Variants in CTNNA2 observed in about 807,000 individuals in gnomAD.
CTNNA2 encodes the protein catenin alpha 2.
Under a neutral mutation model 101.0 loss-of-function variants are expected in CTNNA2, and 42 were observed. The observed-to-expected ratio is 0.42, with a 90% CI of 0.32 to 0.54. The LOEUF is 0.54. CTNNA2 is among the 20% of genes least tolerant of loss of function. The pLI, the probability that CTNNA2 is intolerant of heterozygous loss-of-function variation, is 0.14. For missense variants in CTNNA2, 871 were observed against 1,223.1 expected, an observed-to-expected ratio of 0.71 and a Z score of 4.29; for synonymous variants, 450 against 456.4, an observed-to-expected ratio of 0.99 and a Z score of 0.18.
rs555543761 is a variant in CTNNA2, at chr2:79,989,055, C to T, written c.1056+79258C>T. Among the ~76,000 whole-genome samples, 25 of 152,238 alleles carry T rather than the reference C, an allele frequency of 1.6e-4. No individual in the cohort carries two copies. The South Asian group carries it at 5.2e-3, about 32-fold the overall frequency. On this transcript the variant is annotated intron_variant, in intron 7 of 18. Coordinates refer to ENST00000402739, the MANE Select transcript of CTNNA2 (RefSeq NM_001282597.3). ...TCCAGTATGTTGGATAAAACGGAAA[C>T]CTCGAGAATTGCATAGTCCTTTAGG...
At chr2:79,565,560 G>A (rs987459625) in intron 1 of CTNNA2, among the ~76,000 whole-genome samples, 1 of 152,116 alleles carries the variant, frequency 6.6e-6, no homozygotes, top group African/African-American at 2.4e-5. Flanking sequence ...GTGGTAGGCT[G>A]GAAACTCGCA....
At chr2:79,996,376 CTGAG>C (rs796605909) in intron 7 of CTNNA2, among the ~76,000 whole-genome samples, 43 of 152,234 alleles carry the variant, frequency 2.8e-4, no homozygotes, top group African/African-American at 8.7e-4. Flanking sequence ...TCCGCACTGA[CTGAG>C]TGAGAAAATT....
intron 7 of CTNNA2, among the ~76,000 whole-genome samples, chr2:80,306,450 T>TTCTC (rs765222009): frequency 1.1e-3 from 139 of 124,954 alleles, no homozygotes; most frequent in African/African-American, 2.4e-3. Flanking sequence ...CTTTCTTTCT[T>TTCTC]TCTCTCTCTC....
chr2:79,820,047 G>T (rs1051344684), intron 3 of CTNNA2, among the ~76,000 whole-genome samples: 4 of 151,862 alleles, frequency 2.6e-5, no homozygotes, highest in Non-Finnish European at 5.9e-5. Flanking sequence ...TCACATATTT[G>T]TCTGTATATG....
intron 2 of CTNNA2, among the ~76,000 whole-genome samples, chr2:79,252,539 C>A (rs1160038855): frequency 6.6e-6 from 1 of 151,806 alleles, no homozygotes; most frequent in East Asian, 1.9e-4. Context: ...TTGATTTTTC[C>A]CTTCACTTAG....
intron 2 of CTNNA2, among the ~76,000 whole-genome samples, chr2:79,249,942 T>C (rs1016224044): frequency 4.6e-5 from 7 of 152,196 alleles, no homozygotes; most frequent in Non-Finnish European, 7.3e-5. Context: ...AAATTAACAC[T>C]TTGAACTGCA....
At chr2:80,596,470 C>T (rs577925955) in intron 15 of CTNNA2, among the ~76,000 whole-genome samples, 7 of 151,034 alleles carry the variant, frequency 4.6e-5, no homozygotes, top group Admixed American at 1.3e-4. Flanking sequence ...CCACCATGCC[C>T]GGCTAATTTT....
chr2:80,446,709 A>G (rs1683103175), intron 9 of CTNNA2, among the ~76,000 whole-genome samples: 1 of 152,202 alleles, frequency 6.6e-6, no homozygotes. Context: ...CGTTTCAACA[A>G]GTTGGGTTGT....
intron 9 of CTNNA2, among the ~76,000 whole-genome samples, chr2:80,442,636 GTCTCTGTCTTTTTTACCCC>G (rs1040318580): frequency 2.0e-5 from 3 of 152,126 alleles, no homozygotes; most frequent in African/African-American, 7.2e-5. Context: ...TTAATATACC[GTCTCTGTCTTTTTTACCCC>G]TCTCTGTTTC....
intron 7 of CTNNA2, among the ~76,000 whole-genome samples, chr2:80,093,833 C>T (rs2148824949): frequency 6.6e-6 from 1 of 152,232 alleles, no homozygotes; most frequent in South Asian, 2.1e-4. Flanking sequence ...ATATCCTTCA[C>T]CCACTTTTTG....
intron 7 of CTNNA2, among the ~76,000 whole-genome samples, chr2:79,963,673 A>G (rs1574421519): frequency 6.6e-6 from 1 of 152,152 alleles, no homozygotes; most frequent in Non-Finnish European, 1.5e-5. Context: ...TACACGTCAC[A>G]CCTGCCAGCC....
chr2:80,198,802 T>C (rs1193176952), intron 7 of CTNNA2, among the ~76,000 whole-genome samples: 4 of 152,206 alleles, frequency 2.6e-5, no homozygotes, highest in Non-Finnish European at 4.4e-5. Flanking sequence ...TTGCTCATTA[T>C]TGTGTTTACT....
chr2:79,863,072 T>G (rs1247205714), intron 4 of CTNNA2, among the ~76,000 whole-genome samples: 2 of 152,114 alleles, frequency 1.3e-5, no homozygotes, highest in Non-Finnish European at 2.9e-5. Context: ...CCAACCGTTT[T>G]GAAGGTTGCA....
intron 11 of CTNNA2, among the ~76,000 whole-genome samples, chr2:80,552,412 AT>A (rs1692647029): frequency 6.6e-6 from 1 of 152,248 alleles, no homozygotes; most frequent in Non-Finnish European, 1.5e-5. Context: ...GTACAAATCT[AT>A]TTGAAAACAT....
chr2:79,894,047 CTTCTTCTTCTTCTTCT>C (rs1558619607), intron 6 of CTNNA2, among the ~76,000 whole-genome samples: 1,881 of 127,544 alleles, frequency 0.015, 30 homozygotes, highest in African/African-American at 0.021. Flanking sequence ...TCTTCTTCTT[CTTCTTCTTCTTCTTCT>C]TCCTCCTCCT....
intron 2 of CTNNA2, among the ~76,000 whole-genome samples, chr2:79,667,547 A>T (rs1573619268): frequency 6.6e-6 from 1 of 152,192 alleles, no homozygotes; most frequent in Non-Finnish European, 1.5e-5. Flanking sequence ...AAAAATCTGT[A>T]TTTTTATACC....
intron 7 of CTNNA2, among the ~76,000 whole-genome samples, chr2:80,107,756 G>A (rs575962087): frequency 1.3e-5 from 2 of 152,214 alleles, no homozygotes; most frequent in Non-Finnish European, 2.9e-5. Flanking sequence ...GGACGGCAGA[G>A]CTAATAGAGC....
At chr2:79,412,826 A>G (rs913682557) in intron 4 of CTNNA2, among the ~76,000 whole-genome samples, 1 of 152,094 alleles carries the variant, frequency 6.6e-6, no homozygotes. Context: ...AGGCACGGAT[A>G]TGAGCCACCT....
intron 3 of CTNNA2, among the ~76,000 whole-genome samples, chr2:79,850,302 C>T (rs199862417): frequency 0.2 from 11,720 of 58,794 alleles, 926 homozygotes; most frequent in Middle Eastern, 0.24. Context: ...CTCCCTCCCC[C>T]CTCCCTTCCT....
Sources: allele counts gnomAD v4.1 joint callset (sites outside exome capture counted in the v4.1 genomes callset), GRCh38; gene constraint gnomAD v4.1.1; transcripts MANE v1.5; gene names NCBI Gene and HGNC (gene_info 2026-07-23, HGNC 2026-07-21).